The following OR56A3 variants were observed in gnomAD, a reference collection of about 807,000 sequenced individuals.
OR56A3 encodes olfactory receptor family 56 subfamily A member 3.
Under a neutral mutation model 17.5 loss-of-function variants are expected in OR56A3, and 23 were observed. That is an observed-to-expected ratio of 1.32 (90% CI 0.95 to 1.87). The LOEUF (loss-of-function observed/expected upper bound fraction) is 1.87, where lower values mean the gene tolerates loss of function less well. OR56A3 is among the 40% of genes most tolerant of loss of function. The pLI is 0.00. For synonymous variants in OR56A3, 175 were observed against 150.6 expected (o/e 1.16, Z -1.19); for missense variants, 366 against 380.1 (o/e 0.96, Z 0.31).
the OR56A3 span, among the ~76,000 whole-genome samples, chr11:5,991,960 T>C: frequency 7.9e-3 from 1,196 of 152,216 alleles, 13 homozygotes; most frequent in African/African-American, 0.027. Flanking sequence ...GGGTAGGTGA[T>C]TGGACAGAGA....
downstream of OR56A3, among the ~76,000 whole-genome samples, chr11:5,954,361 G>A (rs540901318): frequency 1.8e-4 from 28 of 152,226 alleles, no homozygotes; most frequent in Admixed American, 1.8e-3. Flanking sequence ...CCAGGGCTAG[G>A]AACACAGATT....
chr11:6,003,001 TC>T, the OR56A3 span: 1 of 1,614,164 alleles, frequency 6.2e-7, no homozygotes, highest in Non-Finnish European at 8.5e-7. Flanking sequence ...ATGTAAAGTT[TC>T]CTGATCAATC....
chr11:5,946,989 G>C lies in OR56A3; in HGVS notation c.-36-322G>C, dbSNP rs182268523. ...AGAAAATTGTGAAGAAGAAACCTAT[G>C]GGTAGAAATTTAGAGTCTCACCTGT... On this transcript the variant is annotated intron_variant, in intron 2 of 2. Transcript: ENST00000641160. 4.6e-5 allele frequency among the ~76,000 whole-genome samples: 7 copies of C among 152,206 alleles called. No individual in the cohort carries two copies. The East Asian group carries it at 5.8e-4, about 13-fold the overall frequency.
At chr11:5,997,244 G>A in the OR56A3 span, among the ~76,000 whole-genome samples, 2 of 152,172 alleles carry the variant, frequency 1.3e-5, no homozygotes, top group African/African-American at 4.8e-5. Context: ...GGCAGAATCT[G>A]AATCTTCAAC....
chr11:6,018,995 A>G, the OR56A3 span, among the ~76,000 whole-genome samples: 2 of 152,104 alleles, frequency 1.3e-5, no homozygotes, highest in Non-Finnish European at 2.9e-5. Flanking sequence ...AAACCTGAAA[A>G]TACCACTAGT....
At chr11:6,010,036 T>C in the OR56A3 span, among the ~76,000 whole-genome samples, 1 of 149,966 alleles carries the variant, frequency 6.7e-6, no homozygotes, top group Non-Finnish European at 1.5e-5. Context: ...GTGATTACAT[T>C]TTTTAGATAT....
the OR56A3 span, chr11:5,967,476 A>T: frequency 1.9e-6 from 2 of 1,079,752 alleles, no homozygotes; most frequent in Non-Finnish European, 2.6e-6. Context: ...TAACAATTTA[A>T]ATTTTCTATG....
chr11:5,945,297 G>A (rs574223001), intron 2 of OR56A3, among the ~76,000 whole-genome samples: 72 of 152,136 alleles, frequency 4.7e-4, no homozygotes, highest in Middle Eastern at 3.4e-3. Flanking sequence ...GGGTTTGGCC[G>A]GGCACGGTGG....
the OR56A3 span, among the ~76,000 whole-genome samples, chr11:6,004,497 GCC>G: frequency 7.2e-5 from 11 of 152,336 alleles, no homozygotes; most frequent in African/African-American, 2.2e-4. Flanking sequence ...GACTTTAGCT[GCC>G]AGAGAAGATA....
At chr11:5,994,163 C>T in the OR56A3 span, 16 of 510,372 alleles carry the variant, frequency 3.1e-5, no homozygotes, top group South Asian at 2.6e-4. Context: ...TTGAGCTGCT[C>T]CATCTGCAGG....
At chr11:5,952,436 AT>A (rs548653925), downstream of OR56A3, among the ~76,000 whole-genome samples, 6 of 152,330 alleles carry the variant, frequency 3.9e-5, no homozygotes, top group South Asian at 1.2e-3. Context: ...ATCACAAATT[AT>A]TCTAGTAGAA....
At chr11:5,967,497 A>T in the OR56A3 span, 2 of 1,246,772 alleles carry the variant, frequency 1.6e-6, no homozygotes, top group Non-Finnish European at 2.2e-6. Flanking sequence ...CATCATAACA[A>T]TTATTCTCCA....
At chr11:5,991,028 C>A in the OR56A3 span, among the ~76,000 whole-genome samples, 2 of 152,194 alleles carry the variant, frequency 1.3e-5, no homozygotes, top group African/African-American at 2.4e-5. Context: ...TCTGCCCTAG[C>A]TTGTGGGGAA....
rs1847896794 is a variant in OR56A3 at position 5,949,698 on chromosome 11, T to C, written c.*1404T>C. On this transcript the variant is annotated 3_prime_UTR_variant, in exon 3 of 3. Coordinates refer to ENST00000641160, the MANE Select transcript of OR56A3 (RefSeq NM_001003443.3). ...TGTTTTAAATTTAACTGAAAGCATC[T>C]GAGATTAAGCCCTGTCCTACTCAAG... The C allele has an allele frequency of 6.6e-6, 1 of 152,166 alleles. No individual in the cohort carries two copies. The highest frequency in any genetic ancestry group is 1.5e-5 in the Non-Finnish European group (1 of 68,040). The allele number at this position is 152,166 out of a possible 1,614,324, so 9.4% of individuals were successfully genotyped here. A position where few individuals can be genotyped will look rare whatever the true frequency, so the allele number is the denominator to read the frequency against.
At chr11:6,002,255 G>A in the OR56A3 span, 19 of 1,613,972 alleles carry the variant, frequency 1.2e-5, no homozygotes, top group Non-Finnish European at 1.6e-5. Context: ...GGATGAAGTG[G>A]GAACCACACG....
the OR56A3 span, among the ~76,000 whole-genome samples, chr11:6,019,014 A>T: frequency 1.3e-5 from 2 of 152,070 alleles, no homozygotes; most frequent in Admixed American, 6.6e-5. Flanking sequence ...GTGAGTAATG[A>T]GATTGAATCA....
the OR56A3 span, among the ~76,000 whole-genome samples, chr11:6,013,830 C>G: frequency 3.3e-5 from 5 of 152,184 alleles, no homozygotes; most frequent in Non-Finnish European, 7.3e-5. Flanking sequence ...TATGTGCTAC[C>G]TGGGGGCCTG....
chr11:5,994,117 T>C, the OR56A3 span: 19 of 493,566 alleles, frequency 3.8e-5, no homozygotes, highest in African/African-American at 3.1e-4. Flanking sequence ...TGCTTAGGTC[T>C]CTGCCAGCTC....
the OR56A3 span, chr11:5,968,201 A>AG: frequency 6.2e-7 from 1 of 1,614,232 alleles, no homozygotes; most frequent in Non-Finnish European, 8.5e-7. Context: ...GGAAGCAGGC[A>AG]GGGAAGCTGA....
Sources: allele counts gnomAD v4.1 joint callset (sites outside exome capture counted in the v4.1 genomes callset), GRCh38; gene constraint gnomAD v4.1.1; transcripts MANE v1.5; gene names NCBI Gene and HGNC (gene_info 2026-07-23, HGNC 2026-07-21).